Variants in REEP3 observed in about 807,000 individuals in gnomAD.
The protein encoded by REEP3 is receptor expression-enhancing protein 3.
REEP3 carries 20 observed loss-of-function variants against 41.3 expected under a neutral mutation model. The ratio of observed to expected loss-of-function variants is 0.48; its 90% CI spans 0.34 to 0.70. The LOEUF is 0.70. Among genes scored for constraint, REEP3 ranks in the 30% least tolerant of loss-of-function variants. The pLI is 0.01. For missense variants in REEP3, 271 were observed against 308.8 expected (o/e 0.88, Z 0.92); for synonymous variants, 104 against 101.8 (o/e 1.02, Z -0.13).
intron 1 of REEP3, among the ~76,000 whole-genome samples, chr10:63,562,029 A>T (rs190347353): frequency 1.3e-3 from 199 of 152,308 alleles, no homozygotes; most frequent in Non-Finnish European, 2.4e-3. Context: ...GTGTGGATGA[A>T]CACACAGCAG....
chr10:63,572,549 G>A (rs1352909285), intron 2 of REEP3, among the ~76,000 whole-genome samples: 1 of 151,962 alleles, frequency 6.6e-6, no homozygotes, highest in Non-Finnish European at 1.5e-5. Flanking sequence ...TAAACTGACT[G>A]TTAACAGTTT....
chr10:63,578,378 G>A (rs1031688654), intron 2 of REEP3, among the ~76,000 whole-genome samples: 2 of 152,228 alleles, frequency 1.3e-5, no homozygotes, highest in South Asian at 2.1e-4. Flanking sequence ...GATTACAGGC[G>A]TGGGCCACAG....
chr10:63,583,400 G>T (rs1264244443), intron 2 of REEP3, among the ~76,000 whole-genome samples: 2 of 152,154 alleles, frequency 1.3e-5, no homozygotes, highest in Non-Finnish European at 2.9e-5. Flanking sequence ...TTTAAAGTAT[G>T]CTGTCAAACC....
intron 1 of REEP3, among the ~76,000 whole-genome samples, chr10:63,555,871 A>G (rs1317130610): frequency 6.6e-6 from 1 of 152,188 alleles, no homozygotes; most frequent in East Asian, 1.9e-4. Flanking sequence ...TTTTACATAG[A>G]CAGGTTTGGG....
intron 2 of REEP3, among the ~76,000 whole-genome samples, chr10:63,586,503 A>T (rs911358389): frequency 3.1e-4 from 47 of 152,134 alleles, no homozygotes; most frequent in African/African-American, 1.1e-3. Flanking sequence ...TTTTATTTTA[A>T]ATGAAAATAT....
intron 1 of REEP3, among the ~76,000 whole-genome samples, chr10:63,553,836 C>T (rs546273411): frequency 2.4e-4 from 36 of 152,242 alleles, no homozygotes; most frequent in Non-Finnish European, 4.3e-4. Context: ...CGGTGGCTCA[C>T]GCCTATTTGT....
chr10:63,587,482 C>T (rs1369528244), intron 2 of REEP3, among the ~76,000 whole-genome samples: 1 of 152,172 alleles, frequency 6.6e-6, no homozygotes, highest in African/African-American at 2.4e-5. Context: ...TTAGTGTAAC[C>T]TCTTATACTG....
chr10:63,537,168 C>T (rs1277791645), intron 1 of REEP3, among the ~76,000 whole-genome samples: 1 of 152,114 alleles, frequency 6.6e-6, no homozygotes, highest in Non-Finnish European at 1.5e-5. Context: ...TATTATACAA[C>T]AGGAACTACT....
At position 63,594,918 on chromosome 10, in the gene REEP3, T is replaced by C; in HGVS notation, c.182+64T>C. On this transcript the variant is annotated intron_variant, in intron 3 of 7. Coordinates refer to ENST00000373758, the MANE Select transcript of REEP3 (RefSeq NM_001001330.3). ...CATAATCAGGTGTCCTAAGTTCTTA[T>C]CCTGCTCTTGCTATTAACTGAGTGA... 11 of 1,006,288 alleles carry C rather than the reference T, an allele frequency of 1.1e-5. No individual in the cohort carries two copies. In the South Asian group the frequency reaches 1.3e-4, roughly 12 times the overall value. 62.3% of individuals were successfully genotyped at this position (1,006,288 alleles called of 1,614,324 possible).
intron 2 of REEP3, among the ~76,000 whole-genome samples, chr10:63,587,454 C>G (rs1346390206): frequency 6.6e-6 from 1 of 152,214 alleles, no homozygotes. Context: ...TGGCCTTGCT[C>G]TCTCATTATT....
intron 2 of REEP3, among the ~76,000 whole-genome samples, chr10:63,587,537 A>G (rs942109795): frequency 6.6e-6 from 1 of 152,240 alleles, no homozygotes; most frequent in Admixed American, 6.5e-5. Flanking sequence ...CAATAATGCA[A>G]TGACTGAAGA....
chr10:63,531,167 T>G (rs571902307), intron 1 of REEP3, among the ~76,000 whole-genome samples: 1 of 152,356 alleles, frequency 6.6e-6, no homozygotes, highest in South Asian at 2.1e-4. Flanking sequence ...GATGGAATTA[T>G]CCAACAGTGG....
At chr10:63,567,290 T>C (rs1466023441) in intron 2 of REEP3, among the ~76,000 whole-genome samples, 1 of 152,098 alleles carries the variant, frequency 6.6e-6, no homozygotes, top group East Asian at 1.9e-4. Flanking sequence ...TATAATACAA[T>C]ATAATACAAC....
intron 1 of REEP3, among the ~76,000 whole-genome samples, chr10:63,540,366 T>G (rs1192344693): frequency 6.6e-6 from 1 of 152,242 alleles, no homozygotes; most frequent in East Asian, 1.9e-4. Flanking sequence ...TAAGCTGCCT[T>G]GAAAAGATCA....
At chr10:63,547,190 G>T (rs1194151104) in intron 1 of REEP3, among the ~76,000 whole-genome samples, 1 of 152,172 alleles carries the variant, frequency 6.6e-6, no homozygotes, top group African/African-American at 2.4e-5. Context: ...AAAGTGCTGG[G>T]ATTACAGGCG....
intron 1 of REEP3, among the ~76,000 whole-genome samples, chr10:63,544,632 G>A (rs1955559704): frequency 6.6e-6 from 1 of 152,094 alleles, no homozygotes; most frequent in Non-Finnish European, 1.5e-5. Context: ...AGGGTGAACA[G>A]AGCACTTTAG....
At chr10:63,550,337 G>T (rs545988477) in intron 1 of REEP3, among the ~76,000 whole-genome samples, 1 of 152,174 alleles carries the variant, frequency 6.6e-6, no homozygotes, top group Non-Finnish European at 1.5e-5. Context: ...TACTTTGATT[G>T]TATCCAAGTT....
At position 63,613,734 on chromosome 10, in the gene REEP3, A is replaced by C. The variant is rs796105911; in HGVS notation, c.565+3400A>C. Among the ~76,000 whole-genome samples the C allele has an allele frequency of 3.5e-4, 53 of 152,336 alleles. 1 individual carries two copies. Among genetic ancestry groups the C allele is most frequent in the African/African-American group, 1.2e-3 (51 of 41,578 alleles). The stretch of plus-strand genomic sequence containing the variant: ...TGGAGGAAAGACAGATTATTTAATA[A>C]GTGATGCTAGGATAACTGTTAGACT... On this transcript the variant is annotated intron_variant, in intron 6 of 7. Coordinates refer to ENST00000373758, the MANE Select transcript of REEP3 (RefSeq NM_001001330.3).
intron 1 of REEP3, among the ~76,000 whole-genome samples, chr10:63,534,975 T>G (rs115342130): frequency 6.6e-6 from 1 of 152,378 alleles, no homozygotes; most frequent in African/African-American, 2.4e-5. Context: ...GCCATCACTG[T>G]CACTTGGCTT....
Sources: allele counts gnomAD v4.1 joint callset (sites outside exome capture counted in the v4.1 genomes callset), GRCh38; gene constraint gnomAD v4.1.1; transcripts MANE v1.5; gene names NCBI Gene and HGNC (gene_info 2026-07-23, HGNC 2026-07-21).